RPS6KC1: variants seen among roughly 807,000 people sequenced by gnomAD.
RPS6KC1 encodes the protein ribosomal protein S6 kinase C1, also known as inactive ribosomal protein S6 kinase delta-1.
In RPS6KC1, 54 loss-of-function variants were observed where a neutral mutation model predicts 103.8. The observed-to-expected ratio is 0.52, with a 90% CI of 0.42 to 0.65. The LOEUF (loss-of-function observed/expected upper bound fraction) is 0.65, where lower values mean the gene tolerates loss of function less well. Ranked by LOEUF, RPS6KC1 falls within the 30% of genes least tolerant of loss-of-function variation. RPS6KC1 has a pLI of 0.00. For synonymous variants in RPS6KC1, 439 were observed against 438.7 expected (o/e 1.00, Z -0.01); for missense variants, 1,151 against 1,253.8 (o/e 0.92, Z 1.24).
At chr1:213,225,516 G>A (rs996055298) in intron 8 of RPS6KC1, among the ~76,000 whole-genome samples, 6 of 152,050 alleles carry the variant, frequency 3.9e-5, no homozygotes, top group Non-Finnish European at 7.4e-5. Context: ...ACCCTCCCGA[G>A]TAGCTGGGAT....
the RPS6KC1 span, among the ~76,000 whole-genome samples, chr1:213,499,079 C>T: frequency 6.6e-6 from 1 of 152,178 alleles, no homozygotes; most frequent in Non-Finnish European, 1.5e-5. Flanking sequence ...CGTGCCCGGC[C>T]AGATTAATTC....
At chr1:213,579,399 C>T in the RPS6KC1 span, among the ~76,000 whole-genome samples, 2 of 152,068 alleles carry the variant, frequency 1.3e-5, no homozygotes, top group Non-Finnish European at 2.9e-5. Context: ...GAGGTTGATT[C>T]ATGAGGTTTA....
the RPS6KC1 span, among the ~76,000 whole-genome samples, chr1:213,626,955 C>T: frequency 6.6e-6 from 1 of 152,164 alleles, no homozygotes; most frequent in Non-Finnish European, 1.5e-5. Flanking sequence ...TTTTCCAATT[C>T]TGTGAAGAAA....
chr1:213,236,385 A>G (rs1476323059), intron 10 of RPS6KC1, among the ~76,000 whole-genome samples: 1 of 152,142 alleles, frequency 6.6e-6, no homozygotes, highest in African/African-American at 2.4e-5. Flanking sequence ...TGGAGTTTCC[A>G]TTTGCTAAGC....
the RPS6KC1 span, among the ~76,000 whole-genome samples, chr1:213,833,714 C>T: frequency 3.3e-4 from 50 of 152,174 alleles, 1 homozygote; most frequent in Non-Finnish European, 6.5e-4. Flanking sequence ...CACCCTGGCG[C>T]TACTCTGCAC....
chr1:213,739,520 C>T, the RPS6KC1 span, among the ~76,000 whole-genome samples: 2 of 151,968 alleles, frequency 1.3e-5, no homozygotes, highest in South Asian at 2.1e-4. Context: ...AAGAGAATTC[C>T]GCAGGTTCTT....
At chr1:213,386,412 T>TA in the RPS6KC1 span, among the ~76,000 whole-genome samples, 1 of 152,220 alleles carries the variant, frequency 6.6e-6, no homozygotes, top group African/African-American at 2.4e-5. Context: ...AGTGGGTTGT[T>TA]ACCGTACCTC....
chr1:213,087,933 G>T (rs116827526), intron 3 of RPS6KC1, among the ~76,000 whole-genome samples: 3 of 152,106 alleles, frequency 2.0e-5, no homozygotes, highest in Non-Finnish European at 2.9e-5. Flanking sequence ...TGGAGAGTAC[G>T]CTCCTAATAA....
chr1:213,402,885 C>T, the RPS6KC1 span, among the ~76,000 whole-genome samples: 3 of 147,930 alleles, frequency 2.0e-5, no homozygotes, highest in South Asian at 2.2e-4. Flanking sequence ...GAGGCCGAGG[C>T]GGGCAGATCA....
the RPS6KC1 span, among the ~76,000 whole-genome samples, chr1:213,512,512 GC>G: frequency 6.6e-6 from 1 of 152,154 alleles, no homozygotes; most frequent in Non-Finnish European, 1.5e-5. Context: ...CATCTTATTA[GC>G]CCATTAGCAA....
the RPS6KC1 span, among the ~76,000 whole-genome samples, chr1:213,698,825 CT>C: frequency 6.6e-6 from 1 of 151,834 alleles, no homozygotes; most frequent in Admixed American, 6.6e-5. Context: ...TTTGTTTTTA[CT>C]TTTTGTTTCC....
At chr1:213,781,145 C>T in the RPS6KC1 span, among the ~76,000 whole-genome samples, 187 of 152,270 alleles carry the variant, frequency 1.2e-3, no homozygotes, top group East Asian at 0.014. Flanking sequence ...CAAGATGAAG[C>T]GCTAACTGTT....
At chr1:213,496,790 T>C in the RPS6KC1 span, among the ~76,000 whole-genome samples, 92 of 152,148 alleles carry the variant, frequency 6.0e-4, 4 homozygotes, top group East Asian at 9.5e-3. Context: ...TTACTATCAG[T>C]GGTATGTTGG....
the RPS6KC1 span, chr1:213,817,797 T>G: frequency 8.3e-6 from 1 of 121,082 alleles, no homozygotes; most frequent in Non-Finnish European, 1.6e-5. Flanking sequence ...GATATTACAG[T>G]TTTTTTTTTT....
the RPS6KC1 span, among the ~76,000 whole-genome samples, chr1:213,411,798 T>A: frequency 0.73 from 110,952 of 151,892 alleles, 40,791 homozygotes; most frequent in Non-Finnish European, 0.77. Context: ...GTGGAGTAGG[T>A]TGGGCACAGC....
At chr1:213,585,732 C>T in the RPS6KC1 span, among the ~76,000 whole-genome samples, 2 of 152,324 alleles carry the variant, frequency 1.3e-5, no homozygotes, top group East Asian at 1.9e-4. Flanking sequence ...GGCCTCCCTA[C>T]TCCAGGAGAC....
chr1:213,519,914 T>C, the RPS6KC1 span, among the ~76,000 whole-genome samples: 1 of 152,198 alleles, frequency 6.6e-6, no homozygotes, highest in African/African-American at 2.4e-5. Context: ...GTCTGTGAGC[T>C]GGGAAGTTTT....
chr1:213,841,173 G>A, the RPS6KC1 span: 1 of 152,102 alleles, frequency 6.6e-6, no homozygotes. Flanking sequence ...TTGGTCTACT[G>A]TGATGGTCAC....
chr1:213,237,733 T>G (rs1030262016), intron 10 of RPS6KC1, among the ~76,000 whole-genome samples: 4 of 152,072 alleles, frequency 2.6e-5, no homozygotes, highest in Admixed American at 1.3e-4. Context: ...GACAAAGAGT[T>G]TTAATTAAAC....
Sources: gnomAD v4.1 joint callset for allele counts (sites outside exome capture counted in the v4.1 genomes callset) on GRCh38, gnomAD v4.1.1 for gene constraint, MANE v1.5 for transcripts, NCBI Gene and HGNC (gene_info 2026-07-23, HGNC 2026-07-21) for gene names.